The following DLG2 variants were observed in gnomAD, a reference collection of about 807,000 sequenced individuals.
DLG2 encodes the protein disks large homolog 2.
DLG2 carries 45 observed loss-of-function variants against 132.5 expected under a neutral mutation model. That is an observed-to-expected ratio of 0.34 (90% CI 0.27 to 0.44). DLG2 has a LOEUF of 0.44. Ranked by LOEUF, DLG2 falls within the 20% of genes least tolerant of loss-of-function variation. The pLI is 1.00. For synonymous variants in DLG2, 424 were observed against 419.6 expected (o/e 1.01, Z -0.13); for missense variants, 1,045 against 1,196.9 (o/e 0.87, Z 1.87).
At chr11:83,723,094 A>C (rs1323213406) in intron 18 of DLG2, among the ~76,000 whole-genome samples, 2 of 152,150 alleles carry the variant, frequency 1.3e-5, no homozygotes, top group African/African-American at 4.8e-5. Context: ...AAAAAACAAC[A>C]AAACGGCCAG....
chr11:84,916,348 CAAAAAAAAAAAAA>C lies in DLG2; in HGVS notation c.357+195300_357+195312del, dbSNP rs11423369. 4.9e-3 allele frequency among the ~76,000 whole-genome samples: 138 copies of C among 27,952 alleles called. 2 individuals carry two copies. In the East Asian group the frequency reaches 0.065, roughly 13 times the overall value. 18.3% of individuals were successfully genotyped at this position (27,952 alleles called of 152,430 possible). ...TGGGCGACAGAGCGAGACTCCGTCT[CAAAAAAAAAAAAA>C]AAAAAAAAAAAAAAAAAAGAAGCAG... On this transcript the variant is annotated intron_variant, in intron 6 of 27. Coordinates refer to ENST00000376104, the MANE Select transcript of DLG2 (RefSeq NM_001142699.3).
intron 7 of DLG2, among the ~76,000 whole-genome samples, chr11:84,289,890 G>A (rs1253006592): frequency 1.3e-5 from 2 of 152,104 alleles, no homozygotes; most frequent in African/African-American, 2.4e-5. Context: ...TGAAAGTACC[G>A]TTTTCTGGAT....
At chr11:85,109,780 C>G (rs1016208656) in intron 6 of DLG2, among the ~76,000 whole-genome samples, 7 of 152,172 alleles carry the variant, frequency 4.6e-5, no homozygotes, top group African/African-American at 1.4e-4. Context: ...AATGGAATTA[C>G]TAAACTTTGT....
At chr11:85,143,643 T>C (rs575067493) in intron 5 of DLG2, among the ~76,000 whole-genome samples, 5 of 151,976 alleles carry the variant, frequency 3.3e-5, no homozygotes, top group African/African-American at 1.2e-4. Flanking sequence ...TTCATTTGTT[T>C]CATAAAATCT....
chr11:84,727,964 G>C (rs754480919), intron 6 of DLG2, among the ~76,000 whole-genome samples: 2 of 152,062 alleles, frequency 1.3e-5, no homozygotes, highest in Non-Finnish European at 2.9e-5. Context: ...ACTTTGCTGA[G>C]GTTGCTTATC....
intron 20 of DLG2, among the ~76,000 whole-genome samples, chr11:83,537,080 T>C (rs2095897917): frequency 6.6e-6 from 1 of 152,120 alleles, no homozygotes; most frequent in Non-Finnish European, 1.5e-5. Flanking sequence ...ATTAATTAGA[T>C]TGTTTGAGCA....
intron 6 of DLG2, among the ~76,000 whole-genome samples, chr11:84,983,740 T>C (rs780067826): frequency 2.6e-5 from 4 of 152,082 alleles, no homozygotes; most frequent in Non-Finnish European, 4.4e-5. Context: ...GGAAATTTTT[T>C]AAAAAATAAT....
intron 19 of DLG2, among the ~76,000 whole-genome samples, chr11:83,592,327 G>T (rs539769661): frequency 6.8e-6 from 1 of 146,714 alleles, no homozygotes; most frequent in African/African-American, 2.5e-5. Context: ...AGAGCCCTGA[G>T]AAATAACACC....
At chr11:83,780,364 A>G (rs1307177488) in intron 18 of DLG2, among the ~76,000 whole-genome samples, 1 of 152,168 alleles carries the variant, frequency 6.6e-6, no homozygotes, top group South Asian at 2.1e-4. Context: ...GGTTACCCCA[A>G]ATAACATCAG....
intron 4 of DLG2, among the ~76,000 whole-genome samples, chr11:85,163,665 T>C (rs2078212373): frequency 1.3e-5 from 2 of 152,192 alleles, no homozygotes; most frequent in South Asian, 4.1e-4. Context: ...CACTTCCACC[T>C]ACTACCTATG....
At chr11:83,626,826 A>G (rs1249609507) in intron 19 of DLG2, among the ~76,000 whole-genome samples, 1 of 152,168 alleles carries the variant, frequency 6.6e-6, no homozygotes, top group Non-Finnish European at 1.5e-5. Context: ...GCCTCTGGGT[A>G]GAGCCTTGTT....
chr11:85,406,663 C>T (rs1303318240), intron 3 of DLG2, among the ~76,000 whole-genome samples: 1 of 151,880 alleles, frequency 6.6e-6, no homozygotes, highest in African/African-American at 2.4e-5. Flanking sequence ...AATAATAACA[C>T]TCATCAGCAT....
intron 7 of DLG2, among the ~76,000 whole-genome samples, chr11:84,308,302 A>G (rs531691113): frequency 2.6e-5 from 4 of 152,148 alleles, no homozygotes; most frequent in Non-Finnish European, 5.9e-5. Flanking sequence ...CCAAGTCCCC[A>G]CCAGAGTAGC....
intron 6 of DLG2, among the ~76,000 whole-genome samples, chr11:84,831,496 C>A (rs1403175794): frequency 2.0e-5 from 3 of 151,728 alleles, no homozygotes; most frequent in African/African-American, 7.2e-5. Context: ...CAAGATCACA[C>A]AGCAAGTAAG....
intron 7 of DLG2, chr11:84,273,004 A>G (rs2154365465): frequency 3.2e-6 from 2 of 622,948 alleles, no homozygotes; most frequent in East Asian, 7.2e-5. Context: ...GAGAAAAACC[A>G]TATATTTAGC....
chr11:83,790,423 G>C (rs1432251444), intron 17 of DLG2: 2 of 1,063,300 alleles, frequency 1.9e-6, no homozygotes, highest in Non-Finnish European at 2.9e-6. Context: ...TTGGTCCCCA[G>C]TACCATCCTT....
chr11:85,383,692 G>A (rs2086089889), intron 3 of DLG2, among the ~76,000 whole-genome samples: 2 of 152,140 alleles, frequency 1.3e-5, no homozygotes, highest in African/African-American at 2.4e-5. Flanking sequence ...TAAAATTTTA[G>A]TAATAACAAT....
chr11:83,984,179 GTAGATAGATAGATGA>G (rs1246996355), intron 11 of DLG2, among the ~76,000 whole-genome samples: 3 of 141,356 alleles, frequency 2.1e-5, no homozygotes, highest in Non-Finnish European at 3.1e-5. Flanking sequence ...TATGGATACT[GTAGATAGATAGATGA>G]TAGATAGATA....
intron 6 of DLG2, among the ~76,000 whole-genome samples, chr11:84,579,337 A>C (rs1336312493): frequency 1.3e-5 from 2 of 152,148 alleles, no homozygotes; most frequent in African/African-American, 2.4e-5. Flanking sequence ...ACTTTTATTT[A>C]AAACTCAATA....
Sources: gnomAD v4.1 joint callset for allele counts (sites outside exome capture counted in the v4.1 genomes callset) on GRCh38, gnomAD v4.1.1 for gene constraint, MANE v1.5 for transcripts, NCBI Gene and HGNC (gene_info 2026-07-23, HGNC 2026-07-21) for gene names.